NRXN2: variants seen among roughly 807,000 people sequenced by gnomAD.
NRXN2 encodes neurexin-2-beta.
In NRXN2, 29 loss-of-function variants were observed where a neutral mutation model predicts 128.8. The ratio of observed to expected loss-of-function variants is 0.23; its 90% CI spans 0.17 to 0.31. The LOEUF (loss-of-function observed/expected upper bound fraction) is 0.31. Among genes scored for constraint, NRXN2 ranks in the 10% least tolerant of loss-of-function variants. NRXN2 has a pLI of 1.00. For missense variants in NRXN2, 1,881 were observed against 2,452.6 expected, an observed-to-expected ratio of 0.77 and a Z score of 4.92; for synonymous variants, 1,098 against 1,075.2, an observed-to-expected ratio of 1.02 and a Z score of -0.41.
intron 1 of NRXN2, among the ~76,000 whole-genome samples, chr11:64,722,733 C>T (rs1045885372): frequency 6.6e-6 from 1 of 150,580 alleles, no homozygotes; most frequent in African/African-American, 2.4e-5. Flanking sequence ...CTTCCTCCCA[C>T]CCCTCCCCAT....
In NRXN2 at chr11:64,661,715, T is replaced by C. The variant is rs145156334; in HGVS notation, c.1799-576A>G. ...AGTCCTTTATGATCCCATTTTGAAATGGTAGACGAGGCTTGCAGAGACTGG... is the reference window on the plus strand; with the variant it reads ...AGTCCTTTATGATCCCATTTTGAAACGGTAGACGAGGCTTGCAGAGACTGG... On this transcript the variant is annotated intron_variant, in intron 9 of 22. Transcript: ENST00000265459. 2.7e-3 allele frequency among the ~76,000 whole-genome samples: 410 copies of C among 152,256 alleles called. 3 individuals carry two copies. The highest frequency in any genetic ancestry group is 3.3e-3 in the Non-Finnish European group (224 of 68,018).
chr11:64,700,845 G>C (rs1405531806), intron 2 of NRXN2, among the ~76,000 whole-genome samples: 1 of 152,094 alleles, frequency 6.6e-6, no homozygotes, highest in East Asian at 1.9e-4. Flanking sequence ...TGTCTCATGG[G>C]CTTCTCACAT....
At chr11:64,634,915 G>T (rs1431587378) in intron 18 of NRXN2, among the ~76,000 whole-genome samples, 1 of 152,206 alleles carries the variant, frequency 6.6e-6, no homozygotes, top group African/African-American at 2.4e-5. Context: ...CAGCCCAGGG[G>T]AAGTCACAAA....
chr11:64,660,028 G>T lies in NRXN2; in HGVS notation c.2389+304C>A, dbSNP rs991611863. Reference sequence around the variant, plus strand: ...ACCAAAAATGAGCTGTGTCATCTGTGTGTGTGCAGGACAGATGCTACCAAG... The same window carrying T: ...ACCAAAAATGAGCTGTGTCATCTGTTTGTGTGCAGGACAGATGCTACCAAG... On this transcript the variant is annotated intron_variant, in intron 11 of 22. Coordinates refer to ENST00000265459, the MANE Select transcript of NRXN2 (RefSeq NM_015080.4). The surrounding 1 kb of genome is among the most constrained non-coding windows in gnomAD (Gnocchi z 5.2). 1.3e-5 allele frequency among the ~76,000 whole-genome samples: 2 copies of T among 152,242 alleles called. No homozygotes were observed. Among genetic ancestry groups the T allele is most frequent in the South Asian group, 4.1e-4 (2 of 4,836 alleles).
At chr11:64,612,769 G>A (rs897402951) in intron 22 of NRXN2, among the ~76,000 whole-genome samples, 1 of 152,382 alleles carries the variant, frequency 6.6e-6, no homozygotes, top group East Asian at 1.9e-4. Context: ...TGAGCTGGAG[G>A]CCCTGCCCAG....
At chr11:64,664,839 A>C (rs1191444653) in intron 9 of NRXN2, among the ~76,000 whole-genome samples, 3 of 151,846 alleles carry the variant, frequency 2.0e-5, no homozygotes, top group Admixed American at 2.0e-4. Flanking sequence ...AAAATACAAA[A>C]ATTAGCCAGG....
At chr11:64,610,390 A>T (rs2135265876) in intron 22 of NRXN2, among the ~76,000 whole-genome samples, 1 of 152,296 alleles carries the variant, frequency 6.6e-6, no homozygotes, top group East Asian at 1.9e-4. Flanking sequence ...CACCAGGTGT[A>T]GGTGCCCAGC....
chr11:64,697,652 C>G, intron 3 of NRXN2, 123 bp downstream of exon 3: 1 of 1,144,496 alleles, frequency 8.7e-7, no homozygotes, highest in Non-Finnish European at 1.3e-6. Flanking sequence ...CCCAGACATC[C>G]TTCTCCGGAG....
intron 1 of NRXN2, among the ~76,000 whole-genome samples, chr11:64,718,656 TG>T (rs1216910512): frequency 1.3e-5 from 2 of 151,944 alleles, no homozygotes; most frequent in Admixed American, 6.6e-5. Context: ...AGGCTCGGTG[TG>T]GGGGAGGCTC....
At chr11:64,704,856 C>G (rs2056057176) in intron 2 of NRXN2, among the ~76,000 whole-genome samples, 1 of 152,144 alleles carries the variant, frequency 6.6e-6, no homozygotes, top group Non-Finnish European at 1.5e-5. Flanking sequence ...CTTGAGTCAT[C>G]TGAAAAAAGT....
chr11:64,680,249 G>A (rs915698585), intron 6 of NRXN2, among the ~76,000 whole-genome samples: 18 of 152,054 alleles, frequency 1.2e-4, no homozygotes, highest in African/African-American at 4.1e-4. Context: ...GCCAAGAGAG[G>A]GAATATTTAC....
At chr11:64,720,863 GC>G (rs1347665719) in intron 1 of NRXN2, among the ~76,000 whole-genome samples, 2 of 152,150 alleles carry the variant, frequency 1.3e-5, no homozygotes, top group African/African-American at 4.8e-5. Flanking sequence ...AGGGTGTGTT[GC>G]AAGGACTGAA....
chr11:64,691,915 C>CA (rs774750949), intron 4 of NRXN2, among the ~76,000 whole-genome samples: 2 of 152,224 alleles, frequency 1.3e-5, no homozygotes, highest in Non-Finnish European at 2.9e-5. Context: ...ATGACCCCCC[C>CA]ACAGAGGGCT....
chr11:64,676,144 G>GT (rs1174959407), intron 7 of NRXN2: 1 of 152,636 alleles, frequency 6.6e-6, no homozygotes, highest in African/African-American at 2.4e-5. Flanking sequence ...AGGGCAGGGG[G>GT]TGACGGGAAG....
chr11:64,667,215 C>T lies in NRXN2; in HGVS notation c.1798+35G>A, dbSNP rs2050000012. The T allele has an allele frequency of 1.2e-5, 19 of 1,607,728 alleles. No homozygotes were observed. The highest frequency in any genetic ancestry group is 1.6e-5 in the Non-Finnish European group (19 of 1,174,840). ...TGTCAGGGCAGATGGAAAGGGGTGG[C>T]CCATGGAAGGGGAAGGGTCCAGAGG... On this transcript the variant is annotated intron_variant, in intron 9 of 22. Coordinates refer to ENST00000265459, the MANE Select transcript of NRXN2 (RefSeq NM_015080.4). This position sits in a 1 kb window ranked among gnomAD's most constrained non-coding sequence, Gnocchi z 5.6.
At position 64,630,891 on chromosome 11, in the gene NRXN2, CAG is replaced by C. The variant is rs2043805692; in HGVS notation, c.3586-320_3586-319del. 1.3e-5 allele frequency among the ~76,000 whole-genome samples: 2 copies of C among 152,226 alleles called. No homozygotes were observed. The highest frequency in any genetic ancestry group is 4.8e-5 in the African/African-American group (2 of 41,468). On this transcript the variant is annotated intron_variant, in intron 18 of 22. Transcript: ENST00000265459. This position sits in a 1 kb window ranked among gnomAD's most constrained non-coding sequence, Gnocchi z 4.6. The stretch of plus-strand genomic sequence containing the variant: ...CTGTGCAAGGGCCACTGGGCCCAGA[CAG>C]GGGTGATCGGGCCAAGCTGGGGACC...
In NRXN2 at chr11:64,651,755, C is replaced by A; in HGVS notation, c.2537-119G>T. 1 of 1,186,152 alleles carries A rather than the reference C, an allele frequency of 8.4e-7. No homozygotes were observed. The highest frequency in any genetic ancestry group is 1.2e-6 in the Non-Finnish European group (1 of 830,634). 73.5% of individuals were successfully genotyped at this position (1,186,152 alleles called of 1,614,324 possible). Reference sequence around the variant, plus strand: ...CCATGAGTGACATCTTTAGAGATGTCCTCGGCTAGGCACTAGCAGCCAGCA... The same window carrying A: ...CCATGAGTGACATCTTTAGAGATGTACTCGGCTAGGCACTAGCAGCCAGCA... On this transcript the variant is annotated intron_variant, in intron 13 of 22. Transcript: ENST00000265459. This position sits in a 1 kb window ranked among gnomAD's most constrained non-coding sequence, Gnocchi z 5.9.
At chr11:64,655,420 A>T (rs916609609) in intron 11 of NRXN2, among the ~76,000 whole-genome samples, 3 of 152,162 alleles carry the variant, frequency 2.0e-5, no homozygotes, top group African/African-American at 7.2e-5. Flanking sequence ...CACAGAGGGG[A>T]CAGGGGAGGC....
intron 19 of NRXN2, among the ~76,000 whole-genome samples, chr11:64,627,272 C>G (rs569130373): frequency 2.6e-5 from 4 of 152,116 alleles, no homozygotes; most frequent in African/African-American, 9.6e-5. Flanking sequence ...TCAGGGCTCT[C>G]TTTCTACTGG....
Sources: gnomAD v4.1 joint callset for allele counts (sites outside exome capture counted in the v4.1 genomes callset) on GRCh38, gnomAD v4.1.1 for gene constraint, Gnocchi (gnomAD v3.1) non-coding constraint, MANE v1.5 for transcripts, NCBI Gene and HGNC (gene_info 2026-07-23, HGNC 2026-07-21) for gene names.